NET1: variants seen among roughly 807,000 people sequenced by gnomAD.
NET1 encodes neuroepithelial cell-transforming gene 1 protein.
NET1 carries 42 observed loss-of-function variants against 61.1 expected under a neutral mutation model. The observed-to-expected ratio is 0.69, with a 90% CI of 0.54 to 0.89. The LOEUF is 0.89. NET1 is among the 40% of genes least tolerant of loss of function. The pLI is 0.00. For missense variants in NET1, 654 were observed against 747.3 expected, an observed-to-expected ratio of 0.88 and a Z score of 1.46; for synonymous variants, 254 against 281.8, an observed-to-expected ratio of 0.90 and a Z score of 0.99.
Position 5,435,474 on chromosome 10 carries a change from G to GAGATAGATAGAT in NET1, c.255+6293_255+6304dup, listed in dbSNP as rs71388435. ...TTCTACTTTATATGCCTCCGTGCCT[G>GAGATAGATAGAT]AGATAGATAGATAGATAGATAGATA... On this transcript the variant is annotated intron_variant, in intron 3 of 11. Coordinates refer to ENST00000355029, the MANE Select transcript of NET1 (RefSeq NM_001047160.3). This position sits in a 1 kb window ranked among gnomAD's most constrained non-coding sequence, Gnocchi z 5.0. 7.0e-6 allele frequency among the ~76,000 whole-genome samples: 1 copy of GAGATAGATAGAT among 142,742 alleles called. No homozygotes were observed. Among genetic ancestry groups the GAGATAGATAGAT allele is most frequent in the African/African-American group, 2.7e-5 (1 of 37,540 alleles). 93.6% of individuals were successfully genotyped at this position (142,742 alleles called of 152,430 possible). A position where few individuals can be genotyped will look rare whatever the true frequency, so the allele number is the denominator to read the frequency against.
In NET1 at chr10:5,446,636, G is replaced by A. The variant is rs1832615181; in HGVS notation, c.256-5194G>A. 1 of 1,290,660 alleles carries A rather than the reference G, an allele frequency of 7.7e-7. No individual in the cohort carries two copies. Among genetic ancestry groups the A allele is most frequent in the African/African-American group, 1.5e-5 (1 of 66,526 alleles). 80.0% of individuals were successfully genotyped at this position (1,290,660 alleles called of 1,614,324 possible). A position where few individuals can be genotyped will look rare whatever the true frequency, so the allele number is the denominator to read the frequency against. ...AAGCCTCTGCTCCACCGCGGCGAGA[G>A]GCATGGGCACGTGGCTGCCGAGGGT... On this transcript the variant is annotated intron_variant, in intron 3 of 11. Coordinates refer to ENST00000355029, the MANE Select transcript of NET1 (RefSeq NM_001047160.3). This position sits in a 1 kb window ranked among gnomAD's most constrained non-coding sequence, Gnocchi z 5.0.
chr10:5,454,212 T>G lies in NET1; in HGVS notation c.769-53T>G, dbSNP rs1832758552. 7.8e-6 allele frequency: 12 copies of G among 1,541,306 alleles called. No homozygotes were observed. In the South Asian group the frequency reaches 1.5e-4, roughly 19 times the overall value. On this transcript the variant is annotated intron_variant, in intron 8 of 11. Transcript: ENST00000355029. This position sits in a 1 kb window ranked among gnomAD's most constrained non-coding sequence, Gnocchi z 8.1. The stretch of plus-strand genomic sequence containing the variant: ...TGTTTCATGTTTGCAGGCTTGTTAA[T>G]GCACTCGGTCATAACAGGAACACAT...
In NET1 at chr10:5,458,150, GAAAC is replaced by G. The variant is rs1304488324; in HGVS notation, c.*1159_*1162del. ...TACCTGCAAATAATGAGTTTGAAAA[GAAAC>G]AATGAAATGTGTTAAAAATTTGACC... is the stretch of plus-strand genomic sequence containing the variant. On this transcript the variant is annotated 3_prime_UTR_variant, in exon 12 of 12. Coordinates refer to ENST00000355029, the MANE Select transcript of NET1 (RefSeq NM_001047160.3). The surrounding 1 kb of genome is among the most constrained non-coding windows in gnomAD (Gnocchi z 4.5). The G allele has an allele frequency of 1.3e-5, 2 of 152,120 alleles. No homozygotes were observed. 9.4% of individuals were successfully genotyped at this position (152,120 alleles called of 1,614,324 possible).
At position 5,454,971 on chromosome 10, in the gene NET1, C is replaced by G; in HGVS notation, c.1050C>G (p.Leu350=). The change falls in exon 10 of 12, where the codon CTC becomes CTG. Residue 350 remains leucine, a synonymous_variant. Coordinates refer to ENST00000355029, the MANE Select transcript of NET1 (RefSeq NM_001047160.3). This position sits in a 1 kb window ranked among gnomAD's most constrained non-coding sequence, Gnocchi z 8.1. ...AGATATTGATAATACAGGGAGTCCTCTCTGATATCAACTTGAAGAAAGGTG... is the reference window on the plus strand; with the variant it reads ...AGATATTGATAATACAGGGAGTCCTGTCTGATATCAACTTGAAGAAAGGTG... ...EDAILIIQGV[L]SDINLKKGES... is the part of the protein sequence containing the mutation. The G allele has an allele frequency of 6.2e-7, 1 of 1,614,078 alleles. No individual in the cohort carries two copies. The highest frequency in any genetic ancestry group is 8.5e-7 in the Non-Finnish European group (1 of 1,179,990).
rs1832629058 is a variant in NET1, at chr10:5,447,220, C to T, written c.256-4610C>T. On this transcript the variant is annotated intron_variant, in intron 3 of 11. Transcript: ENST00000355029. This position sits in a 1 kb window ranked among gnomAD's most constrained non-coding sequence, Gnocchi z 4.1. The stretch of plus-strand genomic sequence containing the variant: ...CTTAATGGAGCAAGAGGAAAAGAAT[C>T]CCGTTCTTGTAAATCAATGCTAGTG... Among the ~76,000 whole-genome samples, 1 of 152,182 alleles carries T rather than the reference C, an allele frequency of 6.6e-6. No homozygotes were observed. The highest frequency in any genetic ancestry group is 1.5e-5 in the Non-Finnish European group (1 of 68,030).
Position 5,421,818 on chromosome 10 carries a change from T to C in NET1, c.129-4837T>C, listed in dbSNP as rs1021313968. On this transcript the variant is annotated intron_variant, in intron 1 of 11. Coordinates refer to ENST00000355029, the MANE Select transcript of NET1 (RefSeq NM_001047160.3). This position sits in a 1 kb window ranked among gnomAD's most constrained non-coding sequence, Gnocchi z 4.2. ...GCCCTAGGCAGCCACTGATCTGCTT[T>C]CTAGCTCTATAAATTTCTATTTTCA... Among the ~76,000 whole-genome samples, 2 of 152,218 alleles carry C rather than the reference T, an allele frequency of 1.3e-5. No homozygotes were observed. Among genetic ancestry groups the C allele is most frequent in the African/African-American group, 2.4e-5 (1 of 41,452 alleles).
At position 5,457,161 on chromosome 10, in the gene NET1, A is replaced by G; in HGVS notation, c.*167A>G. The G allele has an allele frequency of 2.1e-6, 1 of 483,782 alleles. No individual in the cohort carries two copies. The allele number at this position is 483,782 out of a possible 1,614,324, so 30.0% of individuals were successfully genotyped here. On this transcript the variant is annotated 3_prime_UTR_variant, in exon 12 of 12. Transcript: ENST00000355029. The surrounding 1 kb of genome is among the most constrained non-coding windows in gnomAD (Gnocchi z 5.4). ...TTTTTAATGGCAGCTAAAGATATAC[A>G]GATTACTGTTAAATTGCAGTCCTTT...
chr10:5,434,884 A>G (rs1381984067), intron 3 of NET1, among the ~76,000 whole-genome samples: 1 of 152,174 alleles, frequency 6.6e-6, no homozygotes, highest in Non-Finnish European at 1.5e-5. Flanking sequence ...CAAATTATAT[A>G]TAAAATATTA....
At position 5,427,537 on chromosome 10, in the gene NET1, C is replaced by T. The variant is rs1487966845; in HGVS notation, c.195+816C>T. ...TATCATTAATATACACAAAGAGGCT[C>T]ACAGATAAATACACAAGCAGGATTT... On this transcript the variant is annotated intron_variant, in intron 2 of 11. Coordinates refer to ENST00000355029, the MANE Select transcript of NET1 (RefSeq NM_001047160.3). The surrounding 1 kb of genome is among the most constrained non-coding windows in gnomAD (Gnocchi z 4.1). Among the ~76,000 whole-genome samples the T allele has an allele frequency of 6.6e-6, 1 of 152,090 alleles. No homozygotes were observed. Among genetic ancestry groups the T allele is most frequent in the Non-Finnish European group, 1.5e-5 (1 of 68,004 alleles).
rs984864411 is a variant in NET1, at chr10:5,443,154, G to C, written c.256-8676G>C. On this transcript the variant is annotated intron_variant, in intron 3 of 11. Transcript: ENST00000355029. The surrounding 1 kb of genome is among the most constrained non-coding windows in gnomAD (Gnocchi z 4.8). ...GCACCTAGTGTGTCTCAGAACATGT[G>C]CTAAAGGTTTTATATGGGTTATCTT... is the stretch of plus-strand genomic sequence containing the variant. Among the ~76,000 whole-genome samples, 10 of 152,138 alleles carry C rather than the reference G, an allele frequency of 6.6e-5. No individual in the cohort carries two copies. The highest frequency in any genetic ancestry group is 2.4e-4 in the African/African-American group (10 of 41,418).
rs149903712 is a variant in NET1, at chr10:5,435,202, A to G, written c.255+5973A>G. The stretch of plus-strand genomic sequence containing the variant: ...ACCAATTCCATATATGAATGGAGGA[A>G]TAGGGGAGGAAATGAGGATAAGTGA... On this transcript the variant is annotated intron_variant, in intron 3 of 11. Transcript: ENST00000355029. The surrounding 1 kb of genome is among the most constrained non-coding windows in gnomAD (Gnocchi z 5.0). Among the ~76,000 whole-genome samples the G allele has an allele frequency of 1.1e-3, 166 of 152,330 alleles. No homozygotes were observed. The highest frequency in any genetic ancestry group is 3.7e-3 in the African/African-American group (154 of 41,578).
chr10:5,434,695 C>CT (rs11288889), intron 3 of NET1, among the ~76,000 whole-genome samples: 2,050 of 104,390 alleles, frequency 0.02, 28 homozygotes, highest in Non-Finnish European at 0.024. Flanking sequence ...TGTGGGTTTT[C>CT]TTTTTTTTTT....
At position 5,415,544 on chromosome 10, in the gene NET1, A is replaced by G. The variant is rs906580797; in HGVS notation, c.128+2724A>G. ...AACCTCCGCCTCCCGGGTTCAAGTG[A>G]TTCTCCTGCCTCAGCCTACCAAGTA... On this transcript the variant is annotated intron_variant, in intron 1 of 11. Coordinates refer to ENST00000355029, the MANE Select transcript of NET1 (RefSeq NM_001047160.3). The surrounding 1 kb of genome is among the most constrained non-coding windows in gnomAD (Gnocchi z 4.7). Among the ~76,000 whole-genome samples the G allele has an allele frequency of 1.3e-5, 2 of 150,748 alleles. No individual in the cohort carries two copies. The highest frequency in any genetic ancestry group is 1.5e-5 in the Non-Finnish European group (1 of 67,864).
In NET1 at chr10:5,431,114, G is replaced by A. The variant is rs900337008; in HGVS notation, c.255+1885G>A. ...TCTCGATCTCCTGACCTCGTGATCC[G>A]CCTGCCTCGGCCTCCCAAAGTGCTG... On this transcript the variant is annotated intron_variant, in intron 3 of 11. Coordinates refer to ENST00000355029, the MANE Select transcript of NET1 (RefSeq NM_001047160.3). The surrounding 1 kb of genome is among the most constrained non-coding windows in gnomAD (Gnocchi z 4.9). Among the ~76,000 whole-genome samples, 7 of 151,098 alleles carry A rather than the reference G, an allele frequency of 4.6e-5. No homozygotes were observed. The highest frequency in any genetic ancestry group is 2.0e-4 in the East Asian group (1 of 5,082).
chr10:5,429,242 G>A lies in NET1; in HGVS notation c.255+13G>A, dbSNP rs758445964. ...CCTTGATCTGAAGGTAAGCCCTGCT[G>A]CCCTGTTAAAGAAAAGCATTTAAAA... On this transcript the variant is annotated intron_variant, in intron 3 of 11. Transcript: ENST00000355029. 36 of 1,562,764 alleles carry A rather than the reference G, an allele frequency of 2.3e-5. No individual in the cohort carries two copies. The highest frequency in any genetic ancestry group is 3.4e-4 in the Middle Eastern group (2 of 5,936).
Position 5,449,512 on chromosome 10 carries a change from C to T in NET1, c.256-2318C>T, listed in dbSNP as rs910714903. Reference sequence around the variant, plus strand: ...AGGACTGTGGAACATATTTAACCACCAAATACCACTTGGCATAATATGCTG... The same window carrying T: ...AGGACTGTGGAACATATTTAACCACTAAATACCACTTGGCATAATATGCTG... On this transcript the variant is annotated intron_variant, in intron 3 of 11. Transcript: ENST00000355029. The surrounding 1 kb of genome is among the most constrained non-coding windows in gnomAD (Gnocchi z 4.4). 6.6e-6 allele frequency among the ~76,000 whole-genome samples: 1 copy of T among 152,150 alleles called. No homozygotes were observed. Among genetic ancestry groups the T allele is most frequent in the Non-Finnish European group, 1.5e-5 (1 of 68,022 alleles).
intron 3 of NET1, among the ~76,000 whole-genome samples, chr10:5,450,497 A>AT (rs1224825389): frequency 6.6e-6 from 1 of 152,008 alleles, no homozygotes; most frequent in Non-Finnish European, 1.5e-5. Context: ...TAAAGGCATT[A>AT]TTTTTACTCA....
Position 5,423,805 on chromosome 10 carries a change from G to GA in NET1, c.129-2844dup, listed in dbSNP as rs1489784820. Among the ~76,000 whole-genome samples the GA allele has an allele frequency of 6.6e-6, 1 of 152,108 alleles. No individual in the cohort carries two copies. Among genetic ancestry groups the GA allele is most frequent in the Non-Finnish European group, 1.5e-5 (1 of 67,994 alleles). The stretch of plus-strand genomic sequence containing the variant: ...ATTACATTTTGAGTCTGACGCTTGT[G>GA]AAAAAATGAGTATATGTCTTTCCAA... On this transcript the variant is annotated intron_variant, in intron 1 of 11. Transcript: ENST00000355029. This position sits in a 1 kb window ranked among gnomAD's most constrained non-coding sequence, Gnocchi z 4.4.
Position 5,426,098 on chromosome 10 carries a change from A to C in NET1, c.129-557A>C, listed in dbSNP as rs914972449. ...TTTAATAGTAAAGAACAAAATTCTA[A>C]TCACATTTTAATCTTGAGATCTTTG... is the stretch of plus-strand genomic sequence containing the variant. On this transcript the variant is annotated intron_variant, in intron 1 of 11. Coordinates refer to ENST00000355029, the MANE Select transcript of NET1 (RefSeq NM_001047160.3). This position sits in a 1 kb window ranked among gnomAD's most constrained non-coding sequence, Gnocchi z 4.6. 6.6e-6 allele frequency among the ~76,000 whole-genome samples: 1 copy of C among 152,204 alleles called. No individual in the cohort carries two copies. Among genetic ancestry groups the C allele is most frequent in the South Asian group, 2.1e-4 (1 of 4,830 alleles).
Sources: gnomAD v4.1 joint callset for allele counts (sites outside exome capture counted in the v4.1 genomes callset) on GRCh38, gnomAD v4.1.1 for gene constraint, Gnocchi (gnomAD v3.1) non-coding constraint, MANE v1.5 for transcripts, NCBI Gene and HGNC (gene_info 2026-07-23, HGNC 2026-07-21) for gene names.